Variants in STAC observed in about 807,000 individuals in gnomAD.
STAC encodes SH3 and cysteine rich domain, also known as SH3 and cysteine-rich domain-containing protein.
A neutral mutation model predicts 48.8 loss-of-function variants in STAC; 43 were observed. That is an observed-to-expected ratio of 0.88 (90% CI 0.69 to 1.14). The LOEUF (loss-of-function observed/expected upper bound fraction) is 1.14. Among genes scored for constraint, STAC ranks in the 50% most tolerant of loss-of-function variants. The pLI is 0.00. For synonymous variants in STAC, 193 were observed against 179.5 expected, an observed-to-expected ratio of 1.07 and a Z score of -0.60; for missense variants, 497 against 504.0, an observed-to-expected ratio of 0.99 and a Z score of 0.13.
intron 2 of STAC, among the ~76,000 whole-genome samples, chr3:36,472,640 A>G (rs1358151469): frequency 6.6e-6 from 1 of 152,224 alleles, no homozygotes; most frequent in African/African-American, 2.4e-5. Flanking sequence ...AAAGTTCCAC[A>G]GATCTCTAGG....
Position 36,380,568 on chromosome 3 carries a change from G to T in STAC, c.-76G>T. 8.2e-7 allele frequency: 1 copy of T among 1,224,762 alleles called. No individual in the cohort carries two copies. Among genetic ancestry groups the T allele is most frequent in the Non-Finnish European group, 1.2e-6 (1 of 855,334 alleles). The allele number at this position is 1,224,762 out of a possible 1,614,324, so 75.9% of individuals were successfully genotyped here. Reference sequence around the variant, plus strand: ...AGGACCCGGAGCTGAGCAGCCTGGCGCGCGGCGGGCAGGGCGCGCAGGACA... The same window carrying T: ...AGGACCCGGAGCTGAGCAGCCTGGCTCGCGGCGGGCAGGGCGCGCAGGACA... On this transcript the variant is annotated 5_prime_UTR_variant, in exon 1 of 11. Coordinates refer to ENST00000273183, the MANE Select transcript of STAC (RefSeq NM_003149.3).
At chr3:36,441,946 T>G (rs1292923858) in intron 1 of STAC, among the ~76,000 whole-genome samples, 2 of 93,634 alleles carry the variant, frequency 2.1e-5, no homozygotes, top group Non-Finnish European at 2.5e-5. Flanking sequence ...GAGGTTTGTG[T>G]TTTTTTTGCC....
intron 2 of STAC, among the ~76,000 whole-genome samples, chr3:36,463,646 A>T (rs1170947397): frequency 6.9e-5 from 10 of 144,290 alleles, no homozygotes; most frequent in South Asian, 2.5e-4. Flanking sequence ...GTATATCTCC[A>T]AATGCTATCC....
chr3:36,426,964 G>T (rs1700579987), intron 1 of STAC, among the ~76,000 whole-genome samples: 1 of 152,176 alleles, frequency 6.6e-6, no homozygotes, highest in Non-Finnish European at 1.5e-5. Context: ...ATGTAAGTGT[G>T]ACAGCTAATT....
intron 1 of STAC, among the ~76,000 whole-genome samples, chr3:36,439,423 G>C (rs1171349590): frequency 4.6e-5 from 7 of 152,200 alleles, no homozygotes; most frequent in Admixed American, 2.6e-4. Context: ...GACAGGGTGG[G>C]TGTTATTCTG....
At chr3:36,416,183 TAGTC>T (rs1233505099) in intron 1 of STAC, among the ~76,000 whole-genome samples, 3 of 152,324 alleles carry the variant, frequency 2.0e-5, no homozygotes, top group Admixed American at 6.5e-5. Context: ...CTAAAAATGT[TAGTC>T]AGGCCAAGCA....
At chr3:36,388,146 ATTGT>A (rs1699664616) in intron 1 of STAC, among the ~76,000 whole-genome samples, 1 of 151,994 alleles carries the variant, frequency 6.6e-6, no homozygotes, top group Non-Finnish European at 1.5e-5. Flanking sequence ...TTAAAATTAG[ATTGT>A]TTGGTTTTTG....
chr3:36,528,979 G>A lies in STAC; in HGVS notation c.1104G>A (p.Glu368=). The part of the protein sequence containing the change: ...CKEQGQITLK[E]NQICVSSEEE... ...AACAGGGGCAGATAACACTGAAAGA[G>A]AATCAGGTGAGTAAACCACACAAAC... is the stretch of plus-strand genomic sequence containing the variant. The change falls in exon 10 of 11, where the codon GAG becomes GAA. Residue 368 remains glutamate (E), a synonymous_variant. Transcript: ENST00000273183. The A allele has an allele frequency of 1.2e-6, 2 of 1,602,968 alleles. No homozygotes were observed. The highest frequency in any genetic ancestry group is 1.7e-6 in the Non-Finnish European group (2 of 1,173,854).
At chr3:36,401,051 C>A (rs1289318363) in intron 1 of STAC, among the ~76,000 whole-genome samples, 1 of 152,174 alleles carries the variant, frequency 6.6e-6, no homozygotes, top group African/African-American at 2.4e-5. Flanking sequence ...CTTCATATGG[C>A]TGAGATTAGC....
chr3:36,434,630 C>G (rs1247755716), intron 1 of STAC, among the ~76,000 whole-genome samples: 1 of 152,208 alleles, frequency 6.6e-6, no homozygotes, highest in African/African-American at 2.4e-5. Context: ...TAATTTACCG[C>G]CTGTGTGGGC....
At chr3:36,450,062 A>C (rs1488984172) in intron 2 of STAC, among the ~76,000 whole-genome samples, 7 of 152,130 alleles carry the variant, frequency 4.6e-5, no homozygotes, top group Non-Finnish European at 1.0e-4. Context: ...CCCAACTAAA[A>C]TGCTTTCTGC....
chr3:36,407,274 C>CAAA (rs375550705), intron 1 of STAC, among the ~76,000 whole-genome samples: 3,345 of 149,944 alleles, frequency 0.022, 56 homozygotes, highest in Non-Finnish European at 0.026. Context: ...ACAAACAAAC[C>CAAA]AAAAAAAAAT....
intron 8 of STAC, among the ~76,000 whole-genome samples, chr3:36,510,407 G>A (rs1023453036): frequency 3.9e-5 from 6 of 152,110 alleles, no homozygotes; most frequent in Admixed American, 1.3e-4. Flanking sequence ...GATTCCTCAA[G>A]GATCTAGAAC....
At chr3:36,499,268 A>G (rs896074318) in intron 6 of STAC, among the ~76,000 whole-genome samples, 12 of 152,214 alleles carry the variant, frequency 7.9e-5, no homozygotes, top group African/African-American at 2.7e-4. Flanking sequence ...AACACTGGAC[A>G]CATTTTTTAA....
In STAC at chr3:36,443,226, C is replaced by A; in HGVS notation, c.112-138C>A. On this transcript the variant is annotated intron_variant, in intron 1 of 10. Transcript: ENST00000273183. The surrounding 1 kb of genome is among the most constrained non-coding windows in gnomAD (Gnocchi z 4.2). ...AGGCACTGCCATCACCCCACCCACA[C>A]AGGGACATTTATGAGCCTCCTCAAG... The A allele has an allele frequency of 9.9e-7, 1 of 1,015,032 alleles. No individual in the cohort carries two copies. The highest frequency in any genetic ancestry group is 1.4e-6 in the Non-Finnish European group (1 of 701,712). The allele number at this position is 1,015,032 out of a possible 1,614,324, so 62.9% of individuals were successfully genotyped here.
At chr3:36,486,705 G>GCA (rs1351887619) in intron 5 of STAC, among the ~76,000 whole-genome samples, 1 of 152,012 alleles carries the variant, frequency 6.6e-6, no homozygotes, top group East Asian at 1.9e-4. Flanking sequence ...CCTCTTGATT[G>GCA]CACACAAAAA....
chr3:36,474,912 T>C lies in STAC; in HGVS notation c.389-8080T>C, dbSNP rs375329280. On this transcript the variant is annotated intron_variant, in intron 2 of 10. Coordinates refer to ENST00000273183, the MANE Select transcript of STAC (RefSeq NM_003149.3). ...ATCCCTTCCTACCTTTTTTCCTTCCTATTCAAATGTAAGAATACAGAAGTA... is the reference window on the plus strand; with the variant it reads ...ATCCCTTCCTACCTTTTTTCCTTCCCATTCAAATGTAAGAATACAGAAGTA... 4.0e-4 allele frequency among the ~76,000 whole-genome samples: 61 copies of C among 152,310 alleles called. 3 individuals carry two copies. The South Asian group carries it at 0.011, about 27-fold the overall frequency.
intron 5 of STAC, among the ~76,000 whole-genome samples, chr3:36,489,021 T>C (rs1455969643): frequency 2.0e-5 from 3 of 152,080 alleles, no homozygotes; most frequent in South Asian, 4.2e-4. Flanking sequence ...CTCCACCGAG[T>C]TGAAATTTTT....
intron 10 of STAC, among the ~76,000 whole-genome samples, chr3:36,538,757 C>A (rs899227777): frequency 2.0e-5 from 3 of 152,130 alleles, no homozygotes; most frequent in Admixed American, 6.6e-5. Context: ...AAGAGGCTTA[C>A]ATTTTATCTC....
Sources: allele counts gnomAD v4.1 joint callset (sites outside exome capture counted in the v4.1 genomes callset), GRCh38; gene constraint gnomAD v4.1.1; non-coding constraint Gnocchi (gnomAD v3.1); transcripts MANE v1.5; gene names NCBI Gene and HGNC (gene_info 2026-07-23, HGNC 2026-07-21).